PSD3: variants seen among roughly 807,000 people sequenced by gnomAD.
PSD3 encodes the protein pleckstrin and Sec7 domain containing 3, also known as PH and SEC7 domain-containing protein 3.
A neutral mutation model predicts 105.5 loss-of-function variants in PSD3; 49 were observed. The observed-to-expected ratio is 0.46, with a 90% CI of 0.37 to 0.59. The LOEUF (loss-of-function observed/expected upper bound fraction) is 0.59. Among genes scored for constraint, PSD3 ranks in the 20% least tolerant of loss-of-function variants. The pLI is 0.00. For synonymous variants in PSD3, 557 were observed against 457.8 expected, an observed-to-expected ratio of 1.22 and a Z score of -2.77; for missense variants, 1,561 against 1,263.8, an observed-to-expected ratio of 1.24 and a Z score of -3.57.
At chr8:18,820,294 A>C (rs191858956) in intron 4 of PSD3, among the ~76,000 whole-genome samples, 1 of 151,846 alleles carries the variant, frequency 6.6e-6, no homozygotes, top group East Asian at 1.9e-4. Flanking sequence ...AAAATATAAA[A>C]TATAATAAAT....
At chr8:19,034,949 A>T (rs1296630148) in intron 1 of PSD3, among the ~76,000 whole-genome samples, 1 of 151,738 alleles carries the variant, frequency 6.6e-6, no homozygotes, top group East Asian at 1.9e-4. Flanking sequence ...TTCAGAGGCA[A>T]ATTTTTTTGA....
chr8:19,080,764 T>C (rs1307442708), intron 1 of PSD3, among the ~76,000 whole-genome samples: 3 of 152,186 alleles, frequency 2.0e-5, no homozygotes, highest in Non-Finnish European at 4.4e-5. Context: ...AATAGAGCAG[T>C]CAATCTTTTC....
At position 18,905,074 on chromosome 8, in the gene PSD3, T is replaced by G. The variant is rs1740259535; in HGVS notation, c.130+30960A>C. On this transcript the variant is annotated intron_variant, in intron 2 of 15. Coordinates refer to ENST00000327040, the MANE Select transcript of PSD3 (RefSeq NM_015310.4). ...GTACTAGCTTTGCAAATTAAAAAAC[T>G]GAGGCGAGAGTGTTTTAAGTAGCTT... 2.0e-5 allele frequency among the ~76,000 whole-genome samples: 3 copies of G among 152,186 alleles called. No individual in the cohort carries two copies. The South Asian group carries it at 6.2e-4, about 32-fold the overall frequency.
At chr8:18,579,352 C>T (rs186520018) in intron 12 of PSD3, among the ~76,000 whole-genome samples, 34 of 152,184 alleles carry the variant, frequency 2.2e-4, no homozygotes, top group Non-Finnish European at 4.1e-4. Flanking sequence ...AAATGTGAAA[C>T]AGTGAGCAAG....
At chr8:18,820,061 G>C (rs986737293) in intron 4 of PSD3, among the ~76,000 whole-genome samples, 2 of 152,024 alleles carry the variant, frequency 1.3e-5, no homozygotes, top group South Asian at 2.1e-4. Context: ...ATGCAGGCAA[G>C]CATCGAGAAT....
chr8:18,590,776 A>G (rs1178866456), intron 12 of PSD3, among the ~76,000 whole-genome samples: 3 of 152,228 alleles, frequency 2.0e-5, no homozygotes, highest in East Asian at 3.8e-4. Context: ...TTAAAAATGA[A>G]TATGTTTATA....
At chr8:18,648,047 T>C (rs1808183331) in intron 10 of PSD3, among the ~76,000 whole-genome samples, 1 of 152,210 alleles carries the variant, frequency 6.6e-6, no homozygotes, top group Non-Finnish European at 1.5e-5. Context: ...TTTATATAAA[T>C]TACCCAGTCT....
chr8:18,827,128 A>G (rs763711505), intron 4 of PSD3, among the ~76,000 whole-genome samples: 6 of 152,214 alleles, frequency 3.9e-5, no homozygotes, highest in Non-Finnish European at 5.9e-5. Flanking sequence ...CCATATGAAT[A>G]AAGAGCAAAA....
chr8:18,948,532 C>G (rs1049373357), intron 1 of PSD3, among the ~76,000 whole-genome samples: 11 of 152,144 alleles, frequency 7.2e-5, no homozygotes, highest in African/African-American at 2.7e-4. Context: ...GTACTGAGAA[C>G]AATCAAAACA....
intron 4 of PSD3, among the ~76,000 whole-genome samples, chr8:18,806,781 G>C (rs1165942788): frequency 6.6e-6 from 1 of 152,234 alleles, no homozygotes; most frequent in Non-Finnish European, 1.5e-5. Flanking sequence ...CTTGCATTAA[G>C]CACAATAACC....
chr8:18,896,290 T>C (rs912669490), intron 2 of PSD3, among the ~76,000 whole-genome samples: 8 of 152,254 alleles, frequency 5.3e-5, no homozygotes, highest in Admixed American at 2.6e-4. Flanking sequence ...GGAGTGCAGA[T>C]AGATCTTCAA....
intron 1 of PSD3, among the ~76,000 whole-genome samples, chr8:18,960,698 C>T (rs771528446): frequency 3.3e-5 from 5 of 151,924 alleles, no homozygotes; most frequent in Admixed American, 2.0e-4. Flanking sequence ...AAAAGAATAA[C>T]GAAGACAATT....
At chr8:18,908,422 A>T (rs1208623331) in intron 2 of PSD3, among the ~76,000 whole-genome samples, 1 of 152,168 alleles carries the variant, frequency 6.6e-6, no homozygotes, top group Non-Finnish European at 1.5e-5. Flanking sequence ...TTTAGAACCA[A>T]ATTCTCCCCA....
intron 1 of PSD3, among the ~76,000 whole-genome samples, chr8:19,039,889 G>A (rs1486092787): frequency 6.6e-6 from 1 of 152,144 alleles, no homozygotes; most frequent in African/African-American, 2.4e-5. Flanking sequence ...ATAAACATCT[G>A]CACAAATAAA....
chr8:18,765,589 T>G, intron 8 of PSD3, 51 bp from the exon 9 acceptor site: 1 of 1,373,646 alleles, frequency 7.3e-7, no homozygotes, highest in South Asian at 1.2e-5. Context: ...GAATTAAGAC[T>G]GATTCATAAA....
At chr8:18,588,196 G>T (rs922528384) in intron 12 of PSD3, among the ~76,000 whole-genome samples, 5 of 152,128 alleles carry the variant, frequency 3.3e-5, no homozygotes, top group African/African-American at 1.2e-4. Context: ...ATGCCCATAA[G>T]GTCTTCCTTC....
At chr8:18,856,491 C>G (rs1028400857) in intron 4 of PSD3, among the ~76,000 whole-genome samples, 10 of 152,182 alleles carry the variant, frequency 6.6e-5, no homozygotes, top group African/African-American at 2.2e-4. Context: ...ATTAATACTA[C>G]GTGCTGAATC....
chr8:18,590,999 G>C (rs1293739354), intron 12 of PSD3, among the ~76,000 whole-genome samples: 5 of 152,140 alleles, frequency 3.3e-5, no homozygotes, highest in African/African-American at 4.8e-5. Flanking sequence ...AGTGCTGTTA[G>C]CAAGACAGCA....
chr8:18,736,659 A>C (rs1008408620), intron 9 of PSD3, among the ~76,000 whole-genome samples: 10 of 152,220 alleles, frequency 6.6e-5, no homozygotes, highest in Non-Finnish European at 1.5e-4. Flanking sequence ...ACCCCAGAGC[A>C]GAATAGCATG....
Sources: gnomAD v4.1 joint callset for allele counts (sites outside exome capture counted in the v4.1 genomes callset) on GRCh38, gnomAD v4.1.1 for gene constraint, MANE v1.5 for transcripts, NCBI Gene and HGNC (gene_info 2026-07-23, HGNC 2026-07-21) for gene names.